The following COL13A1 variants were observed in gnomAD, a reference collection of about 807,000 sequenced individuals.
The protein encoded by COL13A1 is collagen type XIII alpha 1 chain.
A neutral mutation model predicts 130.9 loss-of-function variants in COL13A1; 89 were observed. The observed-to-expected ratio is 0.68, with a 90% confidence interval of 0.57 to 0.81. COL13A1 has a LOEUF of 0.81. COL13A1 is among the 30% of genes least tolerant of loss of function. COL13A1 has a pLI of 0.00. For missense variants in COL13A1, 879 were observed against 934.6 expected (o/e 0.94, Z 0.78); for synonymous variants, 402 against 341.6 (o/e 1.18, Z -1.95).
chr10:69,918,110 C>T lies in COL13A1; in HGVS notation c.967-175C>T, dbSNP rs139574840. On this transcript the variant is annotated intron_variant, in intron 18 of 40. Coordinates refer to ENST00000645393, the MANE Select transcript of COL13A1 (RefSeq NM_001368882.1). Reference sequence around the variant, plus strand: ...AAGCCCCTTCCTCAGGGTCCATTCTCGTGGCGTCAGCTCAGCGCCCCCACC... The same window carrying T: ...AAGCCCCTTCCTCAGGGTCCATTCTTGTGGCGTCAGCTCAGCGCCCCCACC... Among the ~76,000 whole-genome samples the T allele has an allele frequency of 2.8e-3, 424 of 152,284 alleles. 2 individuals are homozygous for T. The highest frequency in any genetic ancestry group is 6.3e-3 in the African/African-American group (262 of 41,564).
At chr10:69,868,714 T>C (rs1370155396) in intron 3 of COL13A1, among the ~76,000 whole-genome samples, 6 of 152,212 alleles carry the variant, frequency 3.9e-5, no homozygotes, top group African/African-American at 7.2e-5. Flanking sequence ...GCTTCATTTT[T>C]AGTAAAGGCC....
At chr10:69,815,452 G>C (rs140751158) in intron 1 of COL13A1, among the ~76,000 whole-genome samples, 517 of 152,284 alleles carry the variant, frequency 3.4e-3, no homozygotes, top group Non-Finnish European at 5.8e-3. Flanking sequence ...CTGCCAGCAG[G>C]GGCAAAACAG....
chr10:69,891,208 A>C (rs2061135694), intron 10 of COL13A1, among the ~76,000 whole-genome samples: 1 of 152,218 alleles, frequency 6.6e-6, no homozygotes. Flanking sequence ...CTTTGCAATG[A>C]GTGCTATAAA....
rs142487830 is a variant in COL13A1, at chr10:69,937,420, C to A, written c.1798-215C>A. Among the ~76,000 whole-genome samples the A allele has an allele frequency of 2.7e-3, 418 of 152,294 alleles. 4 individuals are homozygous for A. The Middle Eastern group carries it at 0.051, about 19-fold the overall frequency. ...TGTCCCCAGGCCACCTAGTCCTTTT[C>A]TCTGTGGGGCTCTCAAAGCTCCCAC... On this transcript the variant is annotated intron_variant, in intron 33 of 40. Transcript: ENST00000645393.
At chr10:69,943,287 C>T (rs1366044412) in intron 35 of COL13A1, among the ~76,000 whole-genome samples, 1 of 152,242 alleles carries the variant, frequency 6.6e-6, no homozygotes, top group East Asian at 1.9e-4. Context: ...TTCACAGATA[C>T]ATTCAGAGCA....
intron 2 of COL13A1, 143 bp downstream of exon 2, chr10:69,822,581 C>A: frequency 1.7e-6 from 1 of 584,494 alleles, no homozygotes; most frequent in Non-Finnish European, 2.8e-6. Context: ...CTGTGGTTGC[C>A]TTCCATCTGC....
intron 17 of COL13A1, among the ~76,000 whole-genome samples, chr10:69,915,540 G>A (rs549333964): frequency 7.2e-5 from 11 of 152,334 alleles, no homozygotes; most frequent in African/African-American, 2.6e-4. Flanking sequence ...GATTACAAAC[G>A]CTAAGTGGTC....
intron 21 of COL13A1, among the ~76,000 whole-genome samples, chr10:69,920,717 C>T (rs2064548586): frequency 6.6e-6 from 1 of 152,230 alleles, no homozygotes; most frequent in African/African-American, 2.4e-5. Context: ...CTTCCAGCAT[C>T]CAGAACTGTA....
At chr10:69,843,819 C>T (rs546415460) in intron 2 of COL13A1, among the ~76,000 whole-genome samples, 18 of 152,300 alleles carry the variant, frequency 1.2e-4, no homozygotes, top group Admixed American at 3.9e-4. Flanking sequence ...GCTGTGTCCA[C>T]GACCAGAGGT....
chr10:69,806,694 A>C (rs150279081), intron 1 of COL13A1, among the ~76,000 whole-genome samples: 2 of 152,190 alleles, frequency 1.3e-5, no homozygotes, highest in Non-Finnish European at 2.9e-5. Context: ...GTGAATGAGA[A>C]GGGAGTGGAA....
intron 35 of COL13A1, 119 bp downstream of exon 35, chr10:69,941,142 C>A (rs991156147): frequency 6.5e-7 from 1 of 1,527,090 alleles, no homozygotes; most frequent in Non-Finnish European, 9.0e-7. Context: ...GTCCCACCTC[C>A]GACACCAGAA....
At chr10:69,817,263 G>A (rs921835964) in intron 1 of COL13A1, among the ~76,000 whole-genome samples, 2 of 152,056 alleles carry the variant, frequency 1.3e-5, no homozygotes, top group Non-Finnish European at 1.5e-5. Flanking sequence ...GGCGACAGGA[G>A]GGGTTGGCCC....
chr10:69,813,121 A>G (rs1054813847), intron 1 of COL13A1, among the ~76,000 whole-genome samples: 1 of 152,202 alleles, frequency 6.6e-6, no homozygotes, highest in African/African-American at 2.4e-5. Context: ...GTAGATAGTC[A>G]ATACCCATTT....
intron 21 of COL13A1, 37 bp from the exon 22 acceptor site, chr10:69,921,845 A>G (rs749451029): frequency 1.9e-6 from 3 of 1,587,922 alleles, no homozygotes; most frequent in African/African-American, 2.7e-5. Flanking sequence ...CTGCAGAAAC[A>G]GTTCCTAACC....
chr10:69,838,099 G>C (rs930534584), intron 2 of COL13A1, among the ~76,000 whole-genome samples: 4 of 152,236 alleles, frequency 2.6e-5, no homozygotes, highest in African/African-American at 9.6e-5. Context: ...GGCAGGGCAA[G>C]GTCTGCGCCT....
chr10:69,918,619 A>G (rs1168034404), intron 19 of COL13A1, among the ~76,000 whole-genome samples: 1 of 152,188 alleles, frequency 6.6e-6, no homozygotes, highest in South Asian at 2.1e-4. Flanking sequence ...TTGGGCAGCT[A>G]TATGCTTCCA....
At chr10:69,879,779 A>G (rs2059948071) in intron 6 of COL13A1, among the ~76,000 whole-genome samples, 1 of 152,136 alleles carries the variant, frequency 6.6e-6, no homozygotes, top group Admixed American at 6.5e-5. Context: ...GCCACCCTTG[A>G]CAGCACTTTG....
intron 4 of COL13A1, among the ~76,000 whole-genome samples, chr10:69,873,569 A>G (rs2059297141): frequency 6.6e-6 from 1 of 152,208 alleles, no homozygotes; most frequent in African/African-American, 2.4e-5. Flanking sequence ...CCCTAACCCA[A>G]GCATTTTATG....
chr10:69,956,810 T>C (rs2070795851), intron 39 of COL13A1, 194 bp from the exon 40 acceptor site: 1 of 588,730 alleles, frequency 1.7e-6, no homozygotes, highest in Non-Finnish European at 3.1e-6. Flanking sequence ...CTTTAACCAA[T>C]GGTAAAATAG....
Sources: gnomAD v4.1 joint callset for allele counts (sites outside exome capture counted in the v4.1 genomes callset) on GRCh38, gnomAD v4.1.1 for gene constraint, MANE v1.5 for transcripts, NCBI Gene and HGNC (gene_info 2026-07-23, HGNC 2026-07-21) for gene names.